FBXO41: variants seen among roughly 807,000 people sequenced by gnomAD.
FBXO41 encodes F-box only protein 41.
A neutral mutation model predicts 81.6 loss-of-function variants in FBXO41; 33 were observed. The observed-to-expected ratio is 0.40, with a 90% CI of 0.31 to 0.54. The LOEUF (loss-of-function observed/expected upper bound fraction) is 0.54. Among genes scored for constraint, FBXO41 ranks in the 20% least tolerant of loss-of-function variants. FBXO41 has a pLI of 0.39. For synonymous variants in FBXO41, 576 were observed against 552.7 expected, an observed-to-expected ratio of 1.04 and a Z score of -0.59; for missense variants, 1,107 against 1,236.0, an observed-to-expected ratio of 0.90 and a Z score of 1.56.
chr2:73,255,878 A>T lies in FBXO41; in HGVS notation c.*3104T>A, dbSNP rs1687791304. On this transcript the variant is annotated 3_prime_UTR_variant, in exon 13 of 13. Transcript: ENST00000520530. ...AGACTCGAGTGTCACAGAACCAAGA[A>T]AACAGGAGCTGCCTTGATCCTTAGG... 1 of 152,194 alleles carries T rather than the reference A, an allele frequency of 6.6e-6. No homozygotes were observed. Among genetic ancestry groups the T allele is most frequent in the Admixed American group, 6.5e-5 (1 of 15,280 alleles). The allele number at this position is 152,194 out of a possible 1,614,324, so 9.4% of individuals were successfully genotyped here.
chr2:73,270,391 G>A (rs1688456579), intron 1 of FBXO41, among the ~76,000 whole-genome samples: 1 of 152,092 alleles, frequency 6.6e-6, no homozygotes, highest in African/African-American at 2.4e-5. Context: ...TAAAATGAGT[G>A]TAAAAATCCT....
In FBXO41 at chr2:73,258,960, G is replaced by T; in HGVS notation, c.*22C>A. The T allele has an allele frequency of 3.8e-6, 6 of 1,558,750 alleles. No individual in the cohort carries two copies. Among genetic ancestry groups the T allele is most frequent in the Non-Finnish European group, 5.2e-6 (6 of 1,151,670 alleles). Reference sequence around the variant, plus strand: ...GTGCCCTGGTGTGGGGCTGGCAGGGGCCCTGCCGCCCCCTACCCGGGTTAG... The same window carrying T: ...GTGCCCTGGTGTGGGGCTGGCAGGGTCCCTGCCGCCCCCTACCCGGGTTAG... On this transcript the variant is annotated 3_prime_UTR_variant, in exon 13 of 13. Transcript: ENST00000520530.
Position 73,258,961 on chromosome 2 carries a change from C to A in FBXO41, c.*21G>T. On this transcript the variant is annotated 3_prime_UTR_variant, in exon 13 of 13. Transcript: ENST00000520530. ...TGCCCTGGTGTGGGGCTGGCAGGGG[C>A]CCTGCCGCCCCCTACCCGGGTTAGC... The A allele has an allele frequency of 6.4e-7, 1 of 1,556,404 alleles. No homozygotes were observed. The highest frequency in any genetic ancestry group is 8.7e-7 in the Non-Finnish European group (1 of 1,150,944).
chr2:73,259,784 G>A lies in FBXO41; in HGVS notation c.2450-488C>T, dbSNP rs770517613. On this transcript the variant is annotated intron_variant, in intron 11 of 12. Transcript: ENST00000520530. This position sits in a 1 kb window ranked among gnomAD's most constrained non-coding sequence, Gnocchi z 4.2. ...CCTGGAGGTCATGATTCTGGAGGCTGAGCAGTTAGTTCTGGTGGTAAAGTC... is the reference window on the plus strand; with the variant it reads ...CCTGGAGGTCATGATTCTGGAGGCTAAGCAGTTAGTTCTGGTGGTAAAGTC... 4.6e-5 allele frequency among the ~76,000 whole-genome samples: 7 copies of A among 151,966 alleles called. No individual in the cohort carries two copies. Among genetic ancestry groups the A allele is most frequent in the Non-Finnish European group, 8.8e-5 (6 of 68,036 alleles).
intron 2 of FBXO41, among the ~76,000 whole-genome samples, chr2:73,268,379 A>G (rs188842024): frequency 2.6e-5 from 4 of 152,216 alleles, no homozygotes; most frequent in Non-Finnish European, 5.9e-5. Context: ...AGAAATATGC[A>G]GAAACAAAAA....
rs778529424 is a variant in FBXO41, at chr2:73,269,397, G to A, written c.234C>T (p.Gly78=). ...TGCTCTCGAAGACCTCTCGCCGGGCGCCGGGCACGGCCAGCAGGGCGGCGG... is the reference window on the plus strand; with the variant it reads ...TGCTCTCGAAGACCTCTCGCCGGGCACCGGGCACGGCCAGCAGGGCGGCGG... ...PEPAALLAVP[G]ARREVFESTS... The change falls in exon 2 of 13, where the codon GGC becomes GGT. Residue 78 remains glycine, a synonymous_variant. Coordinates refer to ENST00000520530, the MANE Select transcript of FBXO41 (RefSeq NM_001371389.2). The surrounding 1 kb of genome is among the most constrained non-coding windows in gnomAD (Gnocchi z 7.0). 4.1e-6 allele frequency: 6 copies of A among 1,461,384 alleles called. No homozygotes were observed. The South Asian group carries it at 6.6e-5, about 16-fold the overall frequency. The allele number at this position is 1,461,384 out of a possible 1,614,324, so 90.5% of individuals were successfully genotyped here. A position where few individuals can be genotyped will look rare whatever the true frequency, so the allele number is the denominator to read the frequency against.
At position 73,263,221 on chromosome 2, in the gene FBXO41, A is replaced by C. The variant is rs1300007475; in HGVS notation, c.2163T>G (p.Leu721=). The part of the protein sequence containing the change: ...REIVSLQVAP[L]HPCQQPTRFS... ...AACCTGCCAGGGCTCACCAGGGGTG[A>C]AGTGGTGCCACTTGGAGGGAGACGA... The change falls in exon 9 of 13, where the codon CTT becomes CTG. Residue 721 remains leucine, a synonymous_variant. Transcript: ENST00000520530. 1 of 1,555,164 alleles carries C rather than the reference A, an allele frequency of 6.4e-7. No individual in the cohort carries two copies. The highest frequency in any genetic ancestry group is 1.4e-5 in the African/African-American group (1 of 73,274).
intron 1 of FBXO41, chr2:73,271,248 GTCC>G (rs1474187326): frequency 3.5e-6 from 1 of 285,586 alleles, no homozygotes; most frequent in Non-Finnish European, 6.9e-6. Flanking sequence ...CCAGCATCCA[GTCC>G]TCCTCCTGGT....
In FBXO41 at chr2:73,255,807, T is replaced by G. The variant is rs11691842; in HGVS notation, c.*3175A>C. ...AGTAGCAGGCCTTGGGAAGGAGGAC[T>G]TTTTTTTGTTTTTCTCTTTTGAGGC... On this transcript the variant is annotated 3_prime_UTR_variant, in exon 13 of 13. Transcript: ENST00000520530. 6.6e-6 allele frequency: 1 copy of G among 152,188 alleles called. No homozygotes were observed. The highest frequency in any genetic ancestry group is 2.4e-5 in the African/African-American group (1 of 41,366). 9.4% of individuals were successfully genotyped at this position (152,188 alleles called of 1,614,324 possible). A position where few individuals can be genotyped will look rare whatever the true frequency, so the allele number is the denominator to read the frequency against.
Position 73,266,490 on chromosome 2 carries a change from A to G in FBXO41, c.1098T>C (p.Gly366=), listed in dbSNP as rs747133380. Residue 366 remains glycine (G), a synonymous_variant, in exon 3 of 13, where the codon GGT becomes GGC. Coordinates refer to ENST00000520530, the MANE Select transcript of FBXO41 (RefSeq NM_001371389.2). The surrounding 1 kb of genome is among the most constrained non-coding windows in gnomAD (Gnocchi z 5.3). The stretch of plus-strand genomic sequence containing the variant: ...CTGGGCCCCGGGCATTGGGTCCAGC[A>G]CCACCGCCCCCACCTCCACGGCCCA... The part of the protein sequence containing the change: ...ASLGRGGGGG[G]AGPNARGPGR... 9 of 1,572,220 alleles carry G rather than the reference A, an allele frequency of 5.7e-6. No homozygotes were observed. The highest frequency in any genetic ancestry group is 1.7e-6 in the Non-Finnish European group (2 of 1,159,162).
chr2:73,274,185 C>T (rs1234410031), intron 1 of FBXO41, among the ~76,000 whole-genome samples: 3 of 152,212 alleles, frequency 2.0e-5, no homozygotes, highest in East Asian at 3.8e-4. Context: ...CTCAGCTTCA[C>T]GATCTGGCCC....
In FBXO41 at chr2:73,268,726, T is replaced by C; in HGVS notation, c.905A>G (p.Gln302Arg). 1 of 1,535,346 alleles carries C rather than the reference T, an allele frequency of 6.5e-7. No homozygotes were observed. The highest frequency in any genetic ancestry group is 8.8e-7 in the Non-Finnish European group (1 of 1,135,938). The change falls in exon 2 of 13, where the codon CAG (glutamine) becomes CGG (arginine). Residue 302 changes from glutamine to arginine, a missense_variant and splice_region_variant. Transcript: ENST00000520530. ...CACAGGGCCCCGAGGGTCTACTCACTGCTGCTTGCGGCTCAGCTCCTGTTC... is the reference window on the plus strand; with the variant it reads ...CACAGGGCCCCGAGGGTCTACTCACCGCTGCTTGCGGCTCAGCTCCTGTTC... ...HKEQELSRKQQEVVQIDQFLK... is the reference protein window; with the variant it reads ...HKEQELSRKQREVVQIDQFLK...
rs1688438166 is a variant in FBXO41, at chr2:73,269,877, A to G, written c.-138-109T>C. On this transcript the variant is annotated intron_variant, in intron 1 of 12. Coordinates refer to ENST00000520530, the MANE Select transcript of FBXO41 (RefSeq NM_001371389.2). This position sits in a 1 kb window ranked among gnomAD's most constrained non-coding sequence, Gnocchi z 7.0. ...ATGAGGAAATCAGCATTGAGGGGCA[A>G]GGGGAGACCTCCCAGAGGAGGCTGG... 1 of 189,402 alleles carries G rather than the reference A, an allele frequency of 5.3e-6. No homozygotes were observed. The highest frequency in any genetic ancestry group is 1.1e-5 in the Non-Finnish European group (1 of 93,522). The allele number at this position is 189,402 out of a possible 1,614,324, so 11.7% of individuals were successfully genotyped here. A position where few individuals can be genotyped will look rare whatever the true frequency, so the allele number is the denominator to read the frequency against.
In FBXO41 at chr2:73,265,966, G is replaced by A. The variant is rs1459931518; in HGVS notation, c.1132C>T (p.Arg378Ter). ...GPNARGPGRM[R>*]EHHVGPAVPN... ...ACGGCCGGGCCCACGTGGTGTTCTCGCTGTGGGCCCCCAGAGCAGGAGGTA... is the reference window on the plus strand; with the variant it reads ...ACGGCCGGGCCCACGTGGTGTTCTCACTGTGGGCCCCCAGAGCAGGAGGTA... The change falls in exon 4 of 13, where the codon CGA (arginine) becomes TGA (stop). Residue 378 changes from arginine to a stop codon, truncating the protein, a stop_gained and splice_region_variant. Transcript: ENST00000520530. LOFTEE classifies it high-confidence loss of function. 8.3e-6 allele frequency: 13 copies of A among 1,570,254 alleles called. No homozygotes were observed. The highest frequency in any genetic ancestry group is 1.4e-5 in the African/African-American group (1 of 74,054).
chr2:73,269,614 A>G lies in FBXO41; in HGVS notation c.17T>C (p.Leu6Pro). MASLDLPYRCPRCGEH... is the reference protein window; with the variant it reads MASLDPPYRCPRCGEH... ...CCCGCAGCGGGGGCAGCGGTACGGC[A>G]GGTCCAGCGAGGCCATGGCCCCGCC... The change falls in exon 2 of 13, where the codon CTG becomes CCG. Residue 6 changes from leucine (L) to proline (P), a missense_variant. Transcript: ENST00000520530. The surrounding 1 kb of genome is among the most constrained non-coding windows in gnomAD (Gnocchi z 7.0). 7.9e-7 allele frequency: 1 copy of G among 1,265,072 alleles called. No homozygotes were observed. The allele number at this position is 1,265,072 out of a possible 1,614,324, so 78.4% of individuals were successfully genotyped here. A position where few individuals can be genotyped will look rare whatever the true frequency, so the allele number is the denominator to read the frequency against.
At chr2:73,265,214 G>A (rs983464053) in intron 5 of FBXO41, 68 bp downstream of exon 5, 24 of 1,411,490 alleles carry the variant, frequency 1.7e-5, no homozygotes, top group Non-Finnish European at 2.2e-5. Context: ...AAGGGGAGGG[G>A]GGTGCAGGAG....
Position 73,263,923 on chromosome 2 carries a change from C to T in FBXO41, c.1922+15G>A, listed in dbSNP as rs1688122557. On this transcript the variant is annotated intron_variant, in intron 7 of 12. Coordinates refer to ENST00000520530, the MANE Select transcript of FBXO41 (RefSeq NM_001371389.2). ...GGCCCAACAGCACCCACCACCCACC[C>T]ATCGCAGGCCTCACCGGGTGCTCCG... 6.2e-7 allele frequency: 1 copy of T among 1,612,702 alleles called. No individual in the cohort carries two copies. Among genetic ancestry groups the T allele is most frequent in the Non-Finnish European group, 8.5e-7 (1 of 1,179,408 alleles).
Position 73,264,967 on chromosome 2 carries a change from T to TG in FBXO41, c.1564+314dup, listed in dbSNP as rs574679984. Among the ~76,000 whole-genome samples the TG allele has an allele frequency of 2.2e-4, 33 of 152,082 alleles. No homozygotes were observed. The South Asian group carries it at 6.0e-3, about 28-fold the overall frequency. ...TGTGTGGTGCCTTCTGTGAATACGGTGGGGGGCCTCTCCCCCACTGCACCA... is the reference window on the plus strand; with the variant it reads ...TGTGTGGTGCCTTCTGTGAATACGGTGGGGGGGCCTCTCCCCCACTGCACCA... On this transcript the variant is annotated intron_variant, in intron 5 of 12. Coordinates refer to ENST00000520530, the MANE Select transcript of FBXO41 (RefSeq NM_001371389.2).
In FBXO41 at chr2:73,254,974, A is replaced by G. The variant is rs745863181; in HGVS notation, c.*4008T>C. On this transcript the variant is annotated 3_prime_UTR_variant, in exon 13 of 13. Transcript: ENST00000520530. ...TTGGGGCTGGGGAAGCTACCCTCTC[A>G]CTCAGGCCCATTATAGCCTAGCTGT... 1 of 152,518 alleles carries G rather than the reference A, an allele frequency of 6.6e-6. No individual in the cohort carries two copies. The allele number at this position is 152,518 out of a possible 1,614,324, so 9.4% of individuals were successfully genotyped here. A position where few individuals can be genotyped will look rare whatever the true frequency, so the allele number is the denominator to read the frequency against.
Sources: gnomAD v4.1 joint callset for allele counts (sites outside exome capture counted in the v4.1 genomes callset) on GRCh38, gnomAD v4.1.1 for gene constraint, Gnocchi (gnomAD v3.1) non-coding constraint, MANE v1.5 for transcripts, NCBI Gene and HGNC (gene_info 2026-07-23, HGNC 2026-07-21) for gene names.